The following ARHGEF10L variants were observed in gnomAD, a reference collection of about 807,000 sequenced individuals.
ARHGEF10L encodes the protein Rho guanine nucleotide exchange factor 10 like.
A neutral mutation model predicts 141.2 loss-of-function variants in ARHGEF10L; 69 were observed. That is an observed-to-expected ratio of 0.49 (90% confidence interval 0.40 to 0.60). The LOEUF (loss-of-function observed/expected upper bound fraction) is 0.60, where lower values mean the gene tolerates loss of function less well. Ranked by LOEUF, ARHGEF10L falls within the 20% of genes least tolerant of loss-of-function variation. ARHGEF10L has a pLI of 0.00. For synonymous variants in ARHGEF10L, 711 were observed against 718.5 expected, an observed-to-expected ratio of 0.99 and a Z score of 0.17; for missense variants, 1,482 against 1,734.3, an observed-to-expected ratio of 0.85 and a Z score of 2.58.
chr1:17,674,066 C>G (rs993701335), intron 26 of ARHGEF10L, among the ~76,000 whole-genome samples: 3 of 152,206 alleles, frequency 2.0e-5, no homozygotes, highest in African/African-American at 7.2e-5. Context: ...CTCCAGATGG[C>G]AAAATATCTG....
At position 17,621,034 on chromosome 1, in the gene ARHGEF10L, G is replaced by A. The variant is rs964931833; in HGVS notation, c.943-830G>A. ...CAGCTGAGGGGTTGTGATCCACTCC[G>A]TGGGCCAGGCTTCTGGAGGGTTACG... On this transcript the variant is annotated intron_variant, in intron 10 of 28. Transcript: ENST00000361221. This position sits in a 1 kb window ranked among gnomAD's most constrained non-coding sequence, Gnocchi z 4.1. Among the ~76,000 whole-genome samples the A allele has an allele frequency of 6.6e-5, 10 of 152,130 alleles. No homozygotes were observed. Among genetic ancestry groups the A allele is most frequent in the Admixed American group, 2.6e-4 (4 of 15,282 alleles).
chr1:17,649,058 C>G (rs575698119), intron 22 of ARHGEF10L, among the ~76,000 whole-genome samples: 3 of 152,366 alleles, frequency 2.0e-5, no homozygotes, highest in South Asian at 2.1e-4. Flanking sequence ...TTGCCCTCAT[C>G]ATGGAATGCT....
At chr1:17,635,070 C>T (rs1405713964) in intron 18 of ARHGEF10L, 54 bp downstream of exon 18, 6 of 1,601,488 alleles carry the variant, frequency 3.7e-6, no homozygotes, top group Admixed American at 1.7e-5. Flanking sequence ...TCACCAGCCA[C>T]AGCCTGGGCT....
intron 26 of ARHGEF10L, among the ~76,000 whole-genome samples, chr1:17,674,561 C>A (rs890674509): frequency 6.6e-6 from 1 of 152,100 alleles, no homozygotes; most frequent in African/African-American, 2.4e-5. Flanking sequence ...GGAGTGAGAG[C>A]GGGGTGGGCC....
In ARHGEF10L at chr1:17,656,732, A is replaced by G; in HGVS notation, c.2860+24A>G. ...CGGTGAGGACTGGGGGGAATGGGGG[A>G]AGGGGGGCAGTCCTGGATGCCAGCT... On this transcript the variant is annotated intron_variant, in intron 25 of 28. Transcript: ENST00000361221. The surrounding 1 kb of genome is among the most constrained non-coding windows in gnomAD (Gnocchi z 4.9). 1 of 1,601,178 alleles carries G rather than the reference A, an allele frequency of 6.2e-7. No individual in the cohort carries two copies. Among genetic ancestry groups the G allele is most frequent in the Non-Finnish European group, 8.5e-7 (1 of 1,172,696 alleles).
chr1:17,694,571 C>T (rs939906973), intron 27 of ARHGEF10L: 3 of 228,278 alleles, frequency 1.3e-5, no homozygotes, highest in Admixed American at 1.1e-4. Context: ...CTGCTTCCCA[C>T]CAGCGAGTTT....
intron 26 of ARHGEF10L, among the ~76,000 whole-genome samples, chr1:17,667,849 AG>A (rs1361050464): frequency 6.6e-6 from 1 of 152,100 alleles, no homozygotes; most frequent in African/African-American, 2.4e-5. Context: ...AGGACTGGGG[AG>A]GCGTCATTGA....
chr1:17,626,874 G>A (rs1358373699), intron 14 of ARHGEF10L, among the ~76,000 whole-genome samples: 10 of 152,178 alleles, frequency 6.6e-5, no homozygotes, highest in African/African-American at 7.2e-5. Context: ...TTTTCTTTTC[G>A]TGACTGGCTT....
At chr1:17,524,111 TAAAATAC>T in the ARHGEF10L span, among the ~76,000 whole-genome samples, 11 of 151,968 alleles carry the variant, frequency 7.2e-5, no homozygotes, top group African/African-American at 2.7e-4. Context: ...TCATCTCTAC[TAAAATAC>T]AAAAATTAGC....
chr1:17,687,439 C>T, intron 26 of ARHGEF10L, 134 bp from the exon 27 acceptor site: 1 of 985,430 alleles, frequency 1.0e-6, no homozygotes, highest in Non-Finnish European at 1.5e-6. Context: ...AACCTCATAG[C>T]TGGGCTTCTA....
the ARHGEF10L span, among the ~76,000 whole-genome samples, chr1:17,513,965 C>T: frequency 6.6e-6 from 1 of 151,844 alleles, no homozygotes; most frequent in African/African-American, 2.4e-5. Flanking sequence ...GCTGGGATTA[C>T]AGGCATGCAC....
intron 15 of ARHGEF10L, among the ~76,000 whole-genome samples, chr1:17,628,958 T>C (rs138894942): frequency 6.6e-6 from 1 of 152,360 alleles, no homozygotes; most frequent in Non-Finnish European, 1.5e-5. Flanking sequence ...CTTAGGACTC[T>C]GTTGCTTCAG....
Position 17,661,487 on chromosome 1 carries a change from G to A in ARHGEF10L, c.2861-2960G>A, listed in dbSNP as rs150103813. 1.9e-4 allele frequency among the ~76,000 whole-genome samples: 29 copies of A among 152,316 alleles called. No individual in the cohort carries two copies. The East Asian group carries it at 5.2e-3, about 27-fold the overall frequency. ...GGATTTCTGGAGACTCCCAGCAAAT[G>A]CAGGAATGGCATTCATGCAGTCCTT... On this transcript the variant is annotated intron_variant, in intron 25 of 28. Transcript: ENST00000361221.
chr1:17,660,135 C>G (rs1008444658), intron 25 of ARHGEF10L, among the ~76,000 whole-genome samples: 3 of 152,234 alleles, frequency 2.0e-5, no homozygotes, highest in Admixed American at 6.5e-5. Context: ...GACAGCCGGC[C>G]ACTGTCCTTG....
chr1:17,662,637 T>G (rs1340110654), intron 25 of ARHGEF10L, among the ~76,000 whole-genome samples: 4 of 107,052 alleles, frequency 3.7e-5, no homozygotes, highest in Non-Finnish European at 3.8e-5. Flanking sequence ...GGGAAAGAGG[T>G]GGGGAGGGAG....
rs551545607 is a variant in ARHGEF10L at position 17,679,077 on chromosome 1, C to T, written c.3010-8496C>T. Among the ~76,000 whole-genome samples, 35 of 152,334 alleles carry T rather than the reference C, an allele frequency of 2.3e-4. No individual in the cohort carries two copies. In the East Asian group the frequency reaches 6.2e-3, roughly 27 times the overall value. ...GTCTTGGAGCTGGCAGGACGTCCAT[C>T]GCTCCATCCCTTGCAGGCTCCCATG... On this transcript the variant is annotated intron_variant, in intron 26 of 28. Transcript: ENST00000361221.
chr1:17,629,905 G>A (rs1440903033), intron 15 of ARHGEF10L, among the ~76,000 whole-genome samples: 1 of 152,210 alleles, frequency 6.6e-6, no homozygotes, highest in Non-Finnish European at 1.5e-5. Context: ...CTCTTGGGAG[G>A]AGGAAATAAA....
chr1:17,637,465 TGGTCAGGGTA>T (rs1000550168), intron 18 of ARHGEF10L, among the ~76,000 whole-genome samples: 1 of 152,128 alleles, frequency 6.6e-6, no homozygotes, highest in Non-Finnish European at 1.5e-5. Context: ...CTGGGCGCTC[TGGTCAGGGTA>T]GGAACTGGAT....
At chr1:17,590,526 A>G (rs2079440467) in intron 4 of ARHGEF10L, among the ~76,000 whole-genome samples, 1 of 152,106 alleles carries the variant, frequency 6.6e-6, no homozygotes, top group Admixed American at 6.5e-5. Context: ...AGTTGCCTCT[A>G]TGGGGACAGG....
Sources: allele counts gnomAD v4.1 joint callset (sites outside exome capture counted in the v4.1 genomes callset), GRCh38; gene constraint gnomAD v4.1.1; non-coding constraint Gnocchi (gnomAD v3.1); transcripts MANE v1.5; gene names NCBI Gene and HGNC (gene_info 2026-07-23, HGNC 2026-07-21).